The following UBTD2 variants were observed in gnomAD, a reference collection of about 807,000 sequenced individuals.
UBTD2 encodes ubiquitin domain containing 2.
In UBTD2, 9 loss-of-function variants were observed where a neutral mutation model predicts 19.8. The observed-to-expected ratio is 0.46, with a 90% CI of 0.27 to 0.79. The LOEUF (loss-of-function observed/expected upper bound fraction) is 0.79. UBTD2 is among the 30% of genes least tolerant of loss of function. UBTD2 has a pLI of 0.14. For synonymous variants in UBTD2, 98 were observed against 103.9 expected, an observed-to-expected ratio of 0.94 and a Z score of 0.35; for missense variants, 250 against 300.4, an observed-to-expected ratio of 0.83 and a Z score of 1.24.
At position 172,210,598 on chromosome 5, in the gene UBTD2, T is replaced by C. The variant is rs1213816463; in HGVS notation, c.*1232A>G. On this transcript the variant is annotated 3_prime_UTR_variant, in exon 3 of 3. Coordinates refer to ENST00000393792, the MANE Select transcript of UBTD2 (RefSeq NM_152277.3). The stretch of plus-strand genomic sequence containing the variant: ...GCAAAAGGCTCTTAATTTGCTTCTT[T>C]GCTACAAAAGATGAGGGAGGAAAAT... 6.6e-6 allele frequency: 1 copy of C among 152,304 alleles called. No individual in the cohort carries two copies. Among genetic ancestry groups the C allele is most frequent in the East Asian group, 1.9e-4 (1 of 5,188 alleles). The allele number at this position is 152,304 out of a possible 1,614,324, so 9.4% of individuals were successfully genotyped here.
intron 2 of UBTD2, among the ~76,000 whole-genome samples, chr5:172,227,208 CT>C (rs1303880951): frequency 6.6e-6 from 1 of 152,160 alleles, no homozygotes; most frequent in Non-Finnish European, 1.5e-5. Flanking sequence ...AGAGACAAGC[CT>C]TCTGACTCAG....
At chr5:172,250,250 T>TA (rs1343784228) in intron 1 of UBTD2, among the ~76,000 whole-genome samples, 2 of 151,934 alleles carry the variant, frequency 1.3e-5, no homozygotes, top group East Asian at 3.9e-4. Context: ...TAAAATAAAA[T>TA]AAAATAAATT....
At chr5:172,238,732 GAAGTT>G (rs971842718) in intron 1 of UBTD2, among the ~76,000 whole-genome samples, 3 of 152,174 alleles carry the variant, frequency 2.0e-5, no homozygotes, top group African/African-American at 7.2e-5. Flanking sequence ...AATCAATTCT[GAAGTT>G]AAGTATGATT....
In UBTD2 at chr5:172,210,797, A is replaced by G. The variant is rs962448350; in HGVS notation, c.*1033T>C. 1 of 152,180 alleles carries G rather than the reference A, an allele frequency of 6.6e-6. No homozygotes were observed. The highest frequency in any genetic ancestry group is 1.5e-5 in the Non-Finnish European group (1 of 68,032). 9.4% of individuals were successfully genotyped at this position (152,180 alleles called of 1,614,324 possible). A position where few individuals can be genotyped will look rare whatever the true frequency, so the allele number is the denominator to read the frequency against. The stretch of plus-strand genomic sequence containing the variant: ...GACTGAAAATAGGCACAGTTCTCCC[A>G]GGCACAGATAAAATAGGCTTTCCTT... On this transcript the variant is annotated 3_prime_UTR_variant, in exon 3 of 3. Coordinates refer to ENST00000393792, the MANE Select transcript of UBTD2 (RefSeq NM_152277.3).
At chr5:172,217,449 T>G (rs1370710659) in intron 2 of UBTD2, among the ~76,000 whole-genome samples, 2 of 146,944 alleles carry the variant, frequency 1.4e-5, no homozygotes, top group Non-Finnish European at 1.5e-5. Flanking sequence ...AAGAAAGAAA[T>G]AAGCAAAGGT....
In UBTD2 at chr5:172,209,723, C is replaced by A. The variant is rs955866229; in HGVS notation, c.*2107G>T. 19 of 151,744 alleles carry A rather than the reference C, an allele frequency of 1.3e-4. No homozygotes were observed. The highest frequency in any genetic ancestry group is 8.6e-4 in the Admixed American group (13 of 15,164). The allele number at this position is 151,744 out of a possible 1,614,324, so 9.4% of individuals were successfully genotyped here. On this transcript the variant is annotated 3_prime_UTR_variant, in exon 3 of 3. Coordinates refer to ENST00000393792, the MANE Select transcript of UBTD2 (RefSeq NM_152277.3). ...AAAATTATACACATCAAGTACTGGT[C>A]CAATCTTATATCAATCTATTTACAA...
At chr5:172,223,386 C>T (rs536142581) in intron 2 of UBTD2, among the ~76,000 whole-genome samples, 4 of 151,806 alleles carry the variant, frequency 2.6e-5, no homozygotes, top group East Asian at 1.9e-4. Context: ...GGGCAGATCA[C>T]GAGGTCAGGA....
At position 172,267,356 on chromosome 5, in the gene UBTD2, A is replaced by C. The variant is rs565205229; in HGVS notation, c.70+16240T>G. ...ATATGAAATTTAGGAAACTTCCTGC[A>C]AATGTGTTACTGACTGGGAAAACCA... On this transcript the variant is annotated intron_variant, in intron 1 of 2. Coordinates refer to ENST00000393792, the MANE Select transcript of UBTD2 (RefSeq NM_152277.3). Among the ~76,000 whole-genome samples the C allele has an allele frequency of 2.0e-5, 3 of 152,290 alleles. No individual in the cohort carries two copies. In the East Asian group the frequency reaches 5.8e-4, roughly 29 times the overall value.
In UBTD2 at chr5:172,212,124, C is replaced by A. The variant is rs1440229980; in HGVS notation, c.411G>T (p.Glu137Asp). The A allele has an allele frequency of 6.2e-7, 1 of 1,614,228 alleles. No homozygotes were observed. Among genetic ancestry groups the A allele is most frequent in the East Asian group, 2.2e-5 (1 of 44,890 alleles). Reference sequence around the variant, plus strand: ...GTGGTGGCTCAGGAATATCCAGAGTCTCTATGTCGCTCTTTTCCTCTATCA... The same window carrying A: ...GTGGTGGCTCAGGAATATCCAGAGTATCTATGTCGCTCTTTTCCTCTATCA... ...INMIEEKSDIETLDIPEPPPN... is the reference protein window; with the variant it reads ...INMIEEKSDIDTLDIPEPPPN... The change falls in exon 3 of 3, where the codon GAG becomes GAT. Residue 137 changes from glutamate (E) to aspartate (D), a missense_variant. Transcript: ENST00000393792.
chr5:172,273,092 A>T (rs1417096096), intron 1 of UBTD2, among the ~76,000 whole-genome samples: 1 of 79,324 alleles, frequency 1.3e-5, no homozygotes, highest in East Asian at 4.7e-4. Flanking sequence ...CTCAAAAAAA[A>T]AAATAAAAAT....
chr5:172,253,595 A>C (rs562695032), intron 1 of UBTD2, among the ~76,000 whole-genome samples: 1 of 152,122 alleles, frequency 6.6e-6, no homozygotes, highest in Admixed American at 6.6e-5. Context: ...CTGGGATTAC[A>C]GGCACGCGCC....
intron 1 of UBTD2, among the ~76,000 whole-genome samples, chr5:172,279,324 A>G (rs1250499559): frequency 1.3e-5 from 2 of 152,218 alleles, no homozygotes; most frequent in Non-Finnish European, 2.9e-5. Flanking sequence ...CAGAGATACT[A>G]TCCACCTCAT....
intron 1 of UBTD2, among the ~76,000 whole-genome samples, chr5:172,271,077 T>C (rs1755480063): frequency 6.6e-6 from 1 of 152,094 alleles, no homozygotes; most frequent in Non-Finnish European, 1.5e-5. Flanking sequence ...TACAAGTAAT[T>C]TCCTCTACAT....
intron 1 of UBTD2, among the ~76,000 whole-genome samples, chr5:172,261,354 C>T (rs1755266975): frequency 6.6e-6 from 1 of 152,198 alleles, no homozygotes; most frequent in African/African-American, 2.4e-5. Flanking sequence ...CCTAGAAAAG[C>T]TTTATTAATC....
intron 1 of UBTD2, among the ~76,000 whole-genome samples, chr5:172,271,429 A>G (rs1253367949): frequency 1.9e-5 from 2 of 105,978 alleles, no homozygotes; most frequent in South Asian, 4.1e-4. Context: ...ACTCCACCTC[A>G]AAAGAAAAAA....
chr5:172,259,387 C>T (rs746619978), intron 1 of UBTD2, among the ~76,000 whole-genome samples: 5 of 151,864 alleles, frequency 3.3e-5, no homozygotes, highest in African/African-American at 4.8e-5. Flanking sequence ...ATGATCTGCC[C>T]GCCTCAGCCT....
chr5:172,261,389 C>A (rs1755267804), intron 1 of UBTD2, among the ~76,000 whole-genome samples: 1 of 152,176 alleles, frequency 6.6e-6, no homozygotes, highest in Non-Finnish European at 1.5e-5. Flanking sequence ...ACAATGCCTT[C>A]CTTTCTTGTA....
At chr5:172,251,538 CAT>C (rs997304042) in intron 1 of UBTD2, among the ~76,000 whole-genome samples, 13 of 138,272 alleles carry the variant, frequency 9.4e-5, no homozygotes, top group Non-Finnish European at 2.0e-4. Context: ...CAGCAAATAA[CAT>C]ATAAGGGACT....
At chr5:172,255,205 T>C (rs1050520235) in intron 1 of UBTD2, 2 of 441,800 alleles carry the variant, frequency 4.5e-6, no homozygotes, top group African/African-American at 4.1e-5. Flanking sequence ...GGGGTGCAAA[T>C]TCCCAGCAGA....
Sources: gnomAD v4.1 joint callset for allele counts (sites outside exome capture counted in the v4.1 genomes callset) on GRCh38, gnomAD v4.1.1 for gene constraint, MANE v1.5 for transcripts, NCBI Gene and HGNC (gene_info 2026-07-23, HGNC 2026-07-21) for gene names.